The following DUSP22 variants were observed in gnomAD, a reference collection of about 807,000 sequenced individuals.
The protein encoded by DUSP22 is dual specificity phosphatase 22.
Under a neutral mutation model 24.5 loss-of-function variants are expected in DUSP22, and 24 were observed. The ratio of observed to expected loss-of-function variants is 0.98; its 90% CI spans 0.71 to 1.38. The LOEUF is 1.38. DUSP22 is among the 40% of genes most tolerant of loss of function. The pLI is 0.00. For missense variants in DUSP22, 330 were observed against 269.2 expected, an observed-to-expected ratio of 1.23 and a Z score of -1.58; for synonymous variants, 160 against 106.4, an observed-to-expected ratio of 1.50 and a Z score of -3.10.
Position 311,946 on chromosome 6 carries a change from C to A in DUSP22, c.122C>A (p.Ala41Asp). 6.2e-7 allele frequency: 1 copy of A among 1,612,046 alleles called. No individual in the cohort carries two copies. The highest frequency in any genetic ancestry group is 8.5e-7 in the Non-Finnish European group (1 of 1,178,808). ...VTHILSVHDS[A>D]RPMLEGVKYL... ...CATATTCTGTCTGTCCACGATAGTG[C>A]CAGGCCTATGTTGGAGGTAAGAGAG... Residue 41 changes from alanine to aspartate, a missense_variant, in exon 3 of 7, where the codon GCC (alanine) becomes GAC (aspartate). Transcript: ENST00000419235.
chr6:303,364 G>C (rs1285335093), intron 1 of DUSP22, among the ~76,000 whole-genome samples: 1 of 152,304 alleles, frequency 6.6e-6, no homozygotes, highest in Non-Finnish European at 1.5e-5. Flanking sequence ...TTGGCTGGTT[G>C]TCCCTCTGCA....
intron 1 of DUSP22, among the ~76,000 whole-genome samples, chr6:295,724 CG>C (rs1757294480): frequency 6.6e-6 from 1 of 151,346 alleles, no homozygotes; most frequent in Admixed American, 6.6e-5. Flanking sequence ...CACCTCAGCC[CG>C]GGAAGTCTAG....
chr6:310,637 G>T (rs564850470), intron 2 of DUSP22, among the ~76,000 whole-genome samples: 2 of 152,422 alleles, frequency 1.3e-5, no homozygotes, highest in South Asian at 4.1e-4. Context: ...TGACGTCTGG[G>T]GAAAGAAGTA....
intron 2 of DUSP22, among the ~76,000 whole-genome samples, chr6:307,565 G>A (rs1261252150): frequency 6.6e-6 from 1 of 152,304 alleles, no homozygotes; most frequent in Non-Finnish European, 1.5e-5. Flanking sequence ...GCAGCAGGCA[G>A]CCTTGCCCAG....
chr6:301,389 T>A (rs1488612277), intron 1 of DUSP22, among the ~76,000 whole-genome samples: 1 of 152,304 alleles, frequency 6.6e-6, no homozygotes, highest in Non-Finnish European at 1.5e-5. Context: ...CGGCTGGACA[T>A]AAGAAAGAAG....
intron 3 of DUSP22, among the ~76,000 whole-genome samples, chr6:329,085 G>T (rs1759020000): frequency 6.6e-6 from 1 of 152,420 alleles, no homozygotes; most frequent in East Asian, 1.9e-4. Context: ...ATTCTCTTAT[G>T]CTTTCTGTGG....
intron 3 of DUSP22, among the ~76,000 whole-genome samples, chr6:322,838 G>A (rs3778600): frequency 6.7e-5 from 10 of 148,348 alleles, no homozygotes; most frequent in African/African-American, 2.0e-4. Context: ...GGTGGGGCGG[G>A]GGGGGGCCTT....
chr6:311,282 T>C (rs140097036), intron 2 of DUSP22, among the ~76,000 whole-genome samples: 7 of 152,302 alleles, frequency 4.6e-5, no homozygotes, highest in Admixed American at 2.0e-4. Context: ...ACTGCTGTTA[T>C]ATTACAGAGG....
chr6:332,607 A>C (rs1315426168), intron 3 of DUSP22, among the ~76,000 whole-genome samples: 1 of 151,508 alleles, frequency 6.6e-6, no homozygotes. Context: ...GCAAAGAGCT[A>C]TTCAGCAGAC....
rs112549500 is a variant in DUSP22, at chr6:342,731, C to T, written c.189-3123C>T. Among the ~76,000 whole-genome samples, 1,512 of 151,678 alleles carry T rather than the reference C, an allele frequency of 1.0e-2. 2 individuals carry two copies. Among genetic ancestry groups the T allele is most frequent in the Middle Eastern group, 0.031 (9 of 290 alleles). ...TGGCACTCGCTCCCAGCTCCATGGC[C>T]GGAGGTCAGGGGCAGAGATAGATCA... On this transcript the variant is annotated intron_variant, in intron 4 of 6. Transcript: ENST00000419235.
chr6:328,669 C>A (rs984766146), intron 3 of DUSP22, among the ~76,000 whole-genome samples: 1 of 152,306 alleles, frequency 6.6e-6, no homozygotes, highest in East Asian at 1.9e-4. Flanking sequence ...CAGGAAGAAT[C>A]AGTGGCAAAT....
intron 3 of DUSP22, among the ~76,000 whole-genome samples, chr6:328,769 G>C (rs896625198): frequency 6.6e-6 from 1 of 152,308 alleles, no homozygotes; most frequent in South Asian, 2.1e-4. Flanking sequence ...TTTATCTGCC[G>C]TGGCGGCTTT....
chr6:306,963 C>T (rs1306111371), intron 2 of DUSP22, among the ~76,000 whole-genome samples: 3 of 152,308 alleles, frequency 2.0e-5, no homozygotes, highest in Admixed American at 2.0e-4. Context: ...GTGCCCAATA[C>T]CTGGTGCCCT....
intron 3 of DUSP22, among the ~76,000 whole-genome samples, chr6:326,805 A>C (rs1758903465): frequency 6.6e-6 from 1 of 152,306 alleles, no homozygotes; most frequent in Non-Finnish European, 1.5e-5. Flanking sequence ...AGAGCAAAGG[A>C]GAATTGAGCA....
intron 3 of DUSP22, among the ~76,000 whole-genome samples, chr6:318,914 A>C (rs1758453642): frequency 6.6e-6 from 1 of 152,312 alleles, no homozygotes; most frequent in Admixed American, 6.5e-5. Context: ...GGTTAAGTCC[A>C]CTGTTAAGAA....
At chr6:340,544 A>C (rs537389356) in intron 4 of DUSP22, among the ~76,000 whole-genome samples, 286 of 152,352 alleles carry the variant, frequency 1.9e-3, no homozygotes, top group African/African-American at 6.5e-3. Flanking sequence ...TTTCTAAGCA[A>C]AAACATACAT....
chr6:347,364 A>T (rs1213763077), intron 5 of DUSP22, among the ~76,000 whole-genome samples: 1 of 152,304 alleles, frequency 6.6e-6, no homozygotes, highest in African/African-American at 2.4e-5. Context: ...AGGCTTTTCT[A>T]AAAGTGAGAC....
chr6:294,729 G>T (rs1433246524), intron 1 of DUSP22, among the ~76,000 whole-genome samples: 1 of 152,294 alleles, frequency 6.6e-6, no homozygotes, highest in Non-Finnish European at 1.5e-5. Context: ...GTACTCGATA[G>T]TCACTGTGGC....
In DUSP22 at chr6:329,752, T is replaced by A. The variant is rs529107356; in HGVS notation, c.139-5362T>A. Among the ~76,000 whole-genome samples the A allele has an allele frequency of 7.9e-3, 1,205 of 152,020 alleles. 1 individual carries two copies. Among genetic ancestry groups the A allele is most frequent in the Non-Finnish European group, 0.012 (790 of 67,808 alleles). On this transcript the variant is annotated intron_variant, in intron 3 of 6. Transcript: ENST00000419235. ...CAGGCATGAGCCACCATGCCCAGCC[T>A]ACGATGATAAATCTTATGTGTATTT...
Sources: allele counts gnomAD v4.1 joint callset (sites outside exome capture counted in the v4.1 genomes callset), GRCh38; gene constraint gnomAD v4.1.1; transcripts MANE v1.5; gene names NCBI Gene and HGNC (gene_info 2026-07-23, HGNC 2026-07-21).